The following DCDC1 variants were observed in gnomAD, a reference collection of about 807,000 sequenced individuals.
The protein encoded by DCDC1 is doublecortin domain-containing protein 1.
Under a neutral mutation model 178.3 loss-of-function variants are expected in DCDC1, and 200 were observed. The ratio of observed to expected loss-of-function variants is 1.12; its 90% confidence interval spans 1.00 to 1.26. The LOEUF (loss-of-function observed/expected upper bound fraction) is 1.26. DCDC1 is among the 50% of genes most tolerant of loss of function. DCDC1 has a pLI of 0.00. For missense variants in DCDC1, 1,983 were observed against 1,749.2 expected (o/e 1.13, Z -2.38); for synonymous variants, 690 against 604.8 (o/e 1.14, Z -2.07).
intron 11 of DCDC1, among the ~76,000 whole-genome samples, chr11:31,121,957 A>G (rs1205835265): frequency 6.6e-6 from 1 of 152,136 alleles, no homozygotes; most frequent in African/African-American, 2.4e-5. Flanking sequence ...GTCATTTAAC[A>G]CTCTATGATA....
rs371137991 is a variant in DCDC1 at position 31,298,945 on chromosome 11, A to C, written c.754+6670T>G. 2.4e-3 allele frequency among the ~76,000 whole-genome samples: 372 copies of C among 152,364 alleles called. 11 individuals are homozygous for C. In the South Asian group the frequency reaches 0.075, roughly 31 times the overall value. On this transcript the variant is annotated intron_variant, in intron 6 of 38. Coordinates refer to ENST00000684477, the MANE Select transcript of DCDC1 (RefSeq NM_001387274.1). ...TGAAAACACAACACTCTGACTGTCA[A>C]GTAGGTATAGATAATGACATTAAAT...
chr11:31,335,921 T>TA (rs1008705001), intron 1 of DCDC1, among the ~76,000 whole-genome samples: 10 of 151,722 alleles, frequency 6.6e-5, no homozygotes, highest in African/African-American at 1.2e-4. Context: ...ACTTTTAAGG[T>TA]AAAAAAAAAT....
intron 9 of DCDC1, among the ~76,000 whole-genome samples, chr11:31,218,724 GTAACGT>G (rs1973883967): frequency 6.6e-6 from 1 of 152,162 alleles, no homozygotes; most frequent in Non-Finnish European, 1.5e-5. Context: ...CTAACTCTAA[GTAACGT>G]TAATATTTCA....
At chr11:31,282,361 T>C (rs925681089) in intron 7 of DCDC1, among the ~76,000 whole-genome samples, 1 of 151,654 alleles carries the variant, frequency 6.6e-6, no homozygotes, top group Non-Finnish European at 1.5e-5. Context: ...GGTGTATATA[T>C]GAAAGGGAGT....
At chr11:31,093,916 G>C in intron 16 of DCDC1, 134 bp downstream of exon 16, 2 of 654,988 alleles carry the variant, frequency 3.1e-6, no homozygotes, top group South Asian at 3.6e-5. Flanking sequence ...GGCAGAGATG[G>C]CATCTATAAC....
chr11:31,368,548 T>C (rs1187657857), intron 1 of DCDC1, among the ~76,000 whole-genome samples: 1 of 152,206 alleles, frequency 6.6e-6, no homozygotes, highest in Non-Finnish European at 1.5e-5. Context: ...CCTTTAAACA[T>C]GACAAAACCC....
At chr11:31,032,867 T>G (rs916312188) in intron 20 of DCDC1, among the ~76,000 whole-genome samples, 1 of 152,108 alleles carries the variant, frequency 6.6e-6, no homozygotes, top group Non-Finnish European at 1.5e-5. Flanking sequence ...TCGGGACAAT[T>G]ACCTTACTCT....
chr11:30,878,701 T>C lies in DCDC1; in HGVS notation c.5244A>G (p.Gln1748=), dbSNP rs1348648577. 3.2e-6 allele frequency: 5 copies of C among 1,567,112 alleles called. No individual in the cohort carries two copies. The highest frequency in any genetic ancestry group is 1.2e-5 in the South Asian group (1 of 84,666). The change falls in exon 38 of 39, where the codon CAA becomes CAG. Residue 1748 remains glutamine (Q), a synonymous_variant. Transcript: ENST00000684477. ...HGFKTPKELK[Q]LMEIRANYAR... ...CATAATTTGCTCTGATCTCCATCAG[T>C]TGTTTTAACTCTGTTAAAAAAAAAA...
At chr11:30,961,927 T>C (rs1210756017) in intron 20 of DCDC1, among the ~76,000 whole-genome samples, 2 of 152,024 alleles carry the variant, frequency 1.3e-5, no homozygotes, top group African/African-American at 4.8e-5. Context: ...TGGAACTACA[T>C]GCACAAGCTG....
At chr11:31,041,964 A>G (rs1241275713) in intron 20 of DCDC1, among the ~76,000 whole-genome samples, 2 of 152,240 alleles carry the variant, frequency 1.3e-5, no homozygotes, top group African/African-American at 4.8e-5. Flanking sequence ...AACACCATGT[A>G]AAGTTAGTGA....
chr11:31,235,758 AT>A (rs1976377528), intron 9 of DCDC1, among the ~76,000 whole-genome samples: 1 of 151,988 alleles, frequency 6.6e-6, no homozygotes, highest in Non-Finnish European at 1.5e-5. Context: ...CCTTTATGAG[AT>A]GCAGTTTTTA....
intron 6 of DCDC1, 83 bp from the exon 7 acceptor site, chr11:31,290,935 C>A: frequency 8.0e-7 from 1 of 1,253,660 alleles, no homozygotes; most frequent in Non-Finnish European, 1.1e-6. Flanking sequence ...CCTCTATTAC[C>A]TGTGTATTAT....
chr11:30,939,205 C>G (rs1947479317), intron 21 of DCDC1, among the ~76,000 whole-genome samples: 4 of 152,186 alleles, frequency 2.6e-5, no homozygotes, highest in Non-Finnish European at 2.9e-5. Flanking sequence ...GTTACCTCCA[C>G]TGTCTCCTGA....
At chr11:31,074,147 A>T (rs1463492827) in intron 18 of DCDC1, among the ~76,000 whole-genome samples, 1 of 152,104 alleles carries the variant, frequency 6.6e-6, no homozygotes, top group East Asian at 1.9e-4. Context: ...GTATAGAAAG[A>T]TGCCTGACTC....
intron 9 of DCDC1, among the ~76,000 whole-genome samples, chr11:31,223,491 C>A (rs977797463): frequency 6.6e-6 from 1 of 152,098 alleles, no homozygotes; most frequent in African/African-American, 2.4e-5. Flanking sequence ...AATTTTACTT[C>A]TAGATATATA....
intron 2 of DCDC1, among the ~76,000 whole-genome samples, chr11:31,331,417 T>C (rs1949980980): frequency 6.6e-6 from 1 of 152,184 alleles, no homozygotes; most frequent in South Asian, 2.1e-4. Flanking sequence ...TCCAACACTT[T>C]GTTGAGTAGG....
At chr11:31,263,218 C>A in intron 8 of DCDC1, 1 of 708,796 alleles carries the variant, frequency 1.4e-6, no homozygotes, top group Non-Finnish European at 2.1e-6. Context: ...TCCAGGTGAA[C>A]TGGAAATAAT....
intron 8 of DCDC1, among the ~76,000 whole-genome samples, chr11:31,245,598 T>C (rs979949043): frequency 6.6e-6 from 1 of 151,692 alleles, no homozygotes; most frequent in Non-Finnish European, 1.5e-5. Context: ...AAGAAAGCCA[T>C]AAGATTTGGG....
intron 9 of DCDC1, among the ~76,000 whole-genome samples, chr11:31,204,066 G>A (rs10128584): frequency 6.6e-6 from 1 of 152,098 alleles, no homozygotes; most frequent in East Asian, 1.9e-4. Context: ...GCCAATTTCT[G>A]TGGTGCTTAT....
Sources: allele counts gnomAD v4.1 joint callset (sites outside exome capture counted in the v4.1 genomes callset), GRCh38; gene constraint gnomAD v4.1.1; transcripts MANE v1.5; gene names NCBI Gene and HGNC (gene_info 2026-07-23, HGNC 2026-07-21).